CMYA5: variants seen among roughly 807,000 people sequenced by gnomAD.
CMYA5 encodes the protein cardiomyopathy associated 5.
In CMYA5, 246 loss-of-function variants were observed where a neutral mutation model predicts 318.9. That is an observed-to-expected ratio of 0.77 (90% CI 0.70 to 0.86). The LOEUF is 0.86. Among genes scored for constraint, CMYA5 ranks in the 40% least tolerant of loss-of-function variants. The pLI is 0.00. For missense variants in CMYA5, 4,589 were observed against 4,678.2 expected, an observed-to-expected ratio of 0.98 and a Z score of 0.56; for synonymous variants, 1,641 against 1,729.5, an observed-to-expected ratio of 0.95 and a Z score of 1.27.
intron 1 of CMYA5, among the ~76,000 whole-genome samples, chr5:79,713,317 G>A (rs4703783): frequency 0.31 from 27,504 of 89,984 alleles, 3,526 homozygotes; most frequent in East Asian, 0.63. Context: ...CCCACCCGCC[G>A]TCACAAAGAA....
Position 79,752,777 on chromosome 5 carries a change from T to G in CMYA5, c.11093T>G (p.Met3698Arg), listed in dbSNP as rs1249876281. 1.2e-6 allele frequency: 2 copies of G among 1,612,860 alleles called. No homozygotes were observed. Among genetic ancestry groups the G allele is most frequent in the African/African-American group, 1.3e-5 (1 of 75,014 alleles). ...YDDSSARSDQ[M>R]LKQVAVPQPP... ...GACAGCTCGGCAAGAAGTGACCAGA[T>G]GTTAAAACAAGTGGCTGGTAAGCAT... Residue 3698 changes from methionine to arginine, a missense_variant, in exon 6 of 13, where the codon ATG becomes AGG. This residue lies in a region of CMYA5 where 2,431 missense variants were observed against 2,495.1 expected (regional missense o/e 0.97). Transcript: ENST00000446378.
At position 79,730,915 on chromosome 5, in the gene CMYA5, G is replaced by A. The variant is rs767014668; in HGVS notation, c.2150G>A (p.Arg717His). 27 of 1,613,944 alleles carry A rather than the reference G, an allele frequency of 1.7e-5. No individual in the cohort carries two copies. Among genetic ancestry groups the A allele is most frequent in the South Asian group, 8.8e-5 (8 of 91,078 alleles). ...TKESLKKTID[R>H]KSPLILKGVS... ...GAGTCACTGAAGAAAACAATTGACC[G>A]TAAGTCCCCGTTAATATTGAAAGGT... The change falls in exon 2 of 13, where the codon CGT (arginine) becomes CAT (histidine). Residue 717 changes from arginine (R) to histidine (H), a missense_variant. By Grantham distance (29) the Arg-to-His change is conservative. Transcript: ENST00000446378.
At chr5:79,709,682 G>T (rs548825662) in intron 1 of CMYA5, among the ~76,000 whole-genome samples, 1 of 151,576 alleles carries the variant, frequency 6.6e-6, no homozygotes, top group African/African-American at 2.4e-5. Context: ...TATCAGCTGG[G>T]CGTGGTGACT....
At position 79,735,166 on chromosome 5, in the gene CMYA5, C is replaced by G. The variant is rs759061064; in HGVS notation, c.6401C>G (p.Pro2134Arg). The change falls in exon 2 of 13, where the codon CCC becomes CGC. Residue 2134 changes from proline (P) to arginine (R), a missense_variant. Physicochemically the swap from Pro to Arg is moderately radical, Grantham distance 103 (BLOSUM62 -2). Transcript: ENST00000446378. ...GTAAAAATACCCACACAAAGAAAAC[C>G]CATCTCCTCAATCCATGCAAGAGAG... The part of the protein sequence containing the change: ...PEVKIPTQRK[P>R]ISSIHAREPQ... 6.2e-7 allele frequency: 1 copy of G among 1,613,502 alleles called. No individual in the cohort carries two copies. Among genetic ancestry groups the G allele is most frequent in the East Asian group, 2.2e-5 (1 of 44,878 alleles).
At chr5:79,751,318 G>A (rs551212712) in intron 5 of CMYA5, among the ~76,000 whole-genome samples, 1 of 152,246 alleles carries the variant, frequency 6.6e-6, no homozygotes, top group East Asian at 1.9e-4. Context: ...GCCCTCGAAT[G>A]TGCTGTACTT....
In CMYA5 at chr5:79,732,414, A is replaced by G. The variant is rs1413037754; in HGVS notation, c.3649A>G (p.Thr1217Ala). ...EEIVPDSQEA[T>A]AHVSQDQKME... ...AATTGTGCCTGATTCTCAAGAAGCT[A>G]CAGCACATGTATCACAGGATCAAAA... Residue 1217 changes from threonine to alanine, a missense_variant, in exon 2 of 13, where the codon ACA becomes GCA. Thr to Ala is a moderately conservative substitution (Grantham distance 58). Transcript: ENST00000446378. The G allele has an allele frequency of 6.2e-7, 1 of 1,613,750 alleles. No individual in the cohort carries two copies. The highest frequency in any genetic ancestry group is 8.5e-7 in the Non-Finnish European group (1 of 1,179,794).
At chr5:79,777,518 C>A (rs958681528) in intron 9 of CMYA5, among the ~76,000 whole-genome samples, 1 of 152,078 alleles carries the variant, frequency 6.6e-6, no homozygotes, top group Non-Finnish European at 1.5e-5. Context: ...ATGTCTGTAA[C>A]CCCAGCACTT....
At chr5:79,703,774 A>C (rs1354861475) in intron 1 of CMYA5, among the ~76,000 whole-genome samples, 5 of 152,164 alleles carry the variant, frequency 3.3e-5, no homozygotes, top group Non-Finnish European at 1.5e-5. Context: ...TTTTCTTGAA[A>C]ATTATTAATT....
At chr5:79,796,959 A>G (rs184932139) in intron 12 of CMYA5, among the ~76,000 whole-genome samples, 84 of 152,346 alleles carry the variant, frequency 5.5e-4, no homozygotes, top group African/African-American at 1.8e-3. Flanking sequence ...GAAAAGTGTG[A>G]TATGTCTCAT....
chr5:79,748,309 C>T (rs1240210488), intron 5 of CMYA5, among the ~76,000 whole-genome samples: 1 of 152,102 alleles, frequency 6.6e-6, no homozygotes, highest in African/African-American at 2.4e-5. Context: ...AGTAATTCCC[C>T]ACACTGGCTG....
intron 1 of CMYA5, among the ~76,000 whole-genome samples, chr5:79,714,260 T>C (rs1467253704): frequency 6.6e-6 from 1 of 151,940 alleles, no homozygotes; most frequent in Non-Finnish European, 1.5e-5. Context: ...TGCATCCTGG[T>C]TTTCCTGGAA....
At chr5:79,754,664 G>A (rs1828494549) in intron 6 of CMYA5, among the ~76,000 whole-genome samples, 1 of 151,570 alleles carries the variant, frequency 6.6e-6, no homozygotes, top group African/African-American at 2.4e-5. Flanking sequence ...TTTTTTAATT[G>A]TGGTAAAATA....
intron 9 of CMYA5, among the ~76,000 whole-genome samples, chr5:79,770,612 C>T (rs1007066678): frequency 1.3e-5 from 2 of 152,110 alleles, no homozygotes; most frequent in African/African-American, 4.8e-5. Flanking sequence ...CCTCCATGGG[C>T]TGCATCCACT....
intron 1 of CMYA5, among the ~76,000 whole-genome samples, chr5:79,728,672 T>C (rs1338628435): frequency 6.6e-6 from 1 of 152,088 alleles, no homozygotes; most frequent in Non-Finnish European, 1.5e-5. Flanking sequence ...TAACTTTAGC[T>C]TTTTTGAGTT....
chr5:79,731,911 C>G lies in CMYA5; in HGVS notation c.3146C>G (p.Thr1049Arg), dbSNP rs115180914. The part of the protein sequence containing the change: ...SEADEEDIGS[T>R]AATPVSEQFS... ...GCAGATGAGGAAGACATTGGATCCACAGCTGCTACACCTGTATCTGAGCAG... is the reference window on the plus strand; with the variant it reads ...GCAGATGAGGAAGACATTGGATCCAGAGCTGCTACACCTGTATCTGAGCAG... The change falls in exon 2 of 13, where the codon ACA becomes AGA. Residue 1049 changes from threonine to arginine, a missense_variant. Transcript: ENST00000446378. 1 of 1,613,194 alleles carries G rather than the reference C, an allele frequency of 6.2e-7. No homozygotes were observed. Among genetic ancestry groups the G allele is most frequent in the Admixed American group, 1.7e-5 (1 of 59,890 alleles).
At chr5:79,754,360 C>T (rs1828487729) in intron 6 of CMYA5, among the ~76,000 whole-genome samples, 1 of 152,204 alleles carries the variant, frequency 6.6e-6, no homozygotes, top group African/African-American at 2.4e-5. Context: ...TATACGATGG[C>T]TGGCATTGTG....
chr5:79,695,201 A>T (rs1827044337), intron 1 of CMYA5, among the ~76,000 whole-genome samples: 1 of 152,226 alleles, frequency 6.6e-6, no homozygotes, highest in Non-Finnish European at 1.5e-5. Context: ...TAAGAGAATC[A>T]AGTACAAGAG....
intron 1 of CMYA5, among the ~76,000 whole-genome samples, chr5:79,721,489 C>A (rs2151081467): frequency 6.6e-6 from 1 of 152,162 alleles, no homozygotes; most frequent in Non-Finnish European, 1.5e-5. Flanking sequence ...AGTTAGAGAG[C>A]TCTATTTAAA....
intron 9 of CMYA5, among the ~76,000 whole-genome samples, chr5:79,770,496 G>A (rs1025623469): frequency 6.6e-6 from 1 of 152,172 alleles, no homozygotes; most frequent in East Asian, 1.9e-4. Flanking sequence ...CGTAGTATCC[G>A]GGCTGGAATG....
Sources: gnomAD v4.1 joint callset for allele counts (sites outside exome capture counted in the v4.1 genomes callset) on GRCh38, gnomAD v4.1.1 for gene constraint, gnomAD v4.1.1 regional missense constraint, MANE v1.5 for transcripts, NCBI Gene and HGNC (gene_info 2026-07-23, HGNC 2026-07-21) for gene names.